The following PLA2G4A variants were observed in gnomAD, a reference collection of about 807,000 sequenced individuals.
PLA2G4A encodes the protein cytosolic phospholipase A2.
In PLA2G4A, 40 loss-of-function variants were observed where a neutral mutation model predicts 81.9. The ratio of observed to expected loss-of-function variants is 0.49; its 90% CI spans 0.38 to 0.64. The LOEUF is 0.64. Among genes scored for constraint, PLA2G4A ranks in the 30% least tolerant of loss-of-function variants. The pLI is 0.00. For missense variants in PLA2G4A, 715 were observed against 905.1 expected, an observed-to-expected ratio of 0.79 and a Z score of 2.69; for synonymous variants, 302 against 296.9, an observed-to-expected ratio of 1.02 and a Z score of -0.18.
At chr1:186,940,497 T>C (rs2102220891) in intron 10 of PLA2G4A, among the ~76,000 whole-genome samples, 1 of 152,296 alleles carries the variant, frequency 6.6e-6, no homozygotes, top group Middle Eastern at 3.4e-3. Context: ...CATGGGGGAT[T>C]GGTTCCAGGC....
intron 13 of PLA2G4A, among the ~76,000 whole-genome samples, chr1:186,953,600 A>T (rs183941564): frequency 6.6e-6 from 1 of 152,334 alleles, no homozygotes; most frequent in African/African-American, 2.4e-5. Context: ...TAGTTTCTTC[A>T]GACCTATCCT....
intron 13 of PLA2G4A, among the ~76,000 whole-genome samples, chr1:186,953,550 G>A (rs1557889964): frequency 6.6e-6 from 1 of 152,014 alleles, no homozygotes. Flanking sequence ...TTCATGTTTA[G>A]TCATATGATT....
intron 7 of PLA2G4A, among the ~76,000 whole-genome samples, chr1:186,924,962 C>T (rs1024065954): frequency 6.6e-6 from 1 of 151,936 alleles, no homozygotes; most frequent in East Asian, 2.0e-4. Context: ...GCAGGAGGAT[C>T]ACTTGAACCC....
chr1:186,917,446 A>G (rs892052296), intron 7 of PLA2G4A, among the ~76,000 whole-genome samples: 1 of 152,170 alleles, frequency 6.6e-6, no homozygotes, highest in Non-Finnish European at 1.5e-5. Context: ...AAGGGCCTGT[A>G]TCCACTTTAA....
rs147923827 is a variant in PLA2G4A, at chr1:186,895,710, T to C, written c.378+1499T>C. Among the ~76,000 whole-genome samples the C allele has an allele frequency of 2.3e-3, 354 of 152,178 alleles. 3 individuals are homozygous for C. Among genetic ancestry groups the C allele is most frequent in the Non-Finnish European group, 2.2e-3 (151 of 67,984 alleles). ...TATGGGAAGGCAGAATAAAGAACGA[T>C]TGTGTTGTGAGAGGAGGCTAGGGAT... On this transcript the variant is annotated intron_variant, in intron 5 of 17. Coordinates refer to ENST00000367466, the MANE Select transcript of PLA2G4A (RefSeq NM_024420.3).
chr1:186,923,347 G>C (rs552159922), intron 7 of PLA2G4A, among the ~76,000 whole-genome samples: 4 of 152,098 alleles, frequency 2.6e-5, no homozygotes, highest in East Asian at 1.9e-4. Flanking sequence ...AAAACTTTTC[G>C]GTAGCAATTC....
chr1:186,956,437 C>A, intron 14 of PLA2G4A, 93 bp downstream of exon 14: 1 of 1,120,452 alleles, frequency 8.9e-7, no homozygotes, highest in Admixed American at 1.7e-5. Context: ...AACACTTACT[C>A]ATTTATTATC....
At chr1:186,829,412 C>T (rs542651935) in intron 1 of PLA2G4A, among the ~76,000 whole-genome samples, 1 of 152,310 alleles carries the variant, frequency 6.6e-6, no homozygotes, top group South Asian at 2.1e-4. Flanking sequence ...GCATGCTGTG[C>T]TGTTTGACAG....
In PLA2G4A at chr1:186,988,608, T is replaced by C; in HGVS notation, c.*100T>C. 2.9e-6 allele frequency: 3 copies of C among 1,029,464 alleles called. No homozygotes were observed. Among genetic ancestry groups the C allele is most frequent in the Non-Finnish European group, 4.5e-6 (3 of 659,482 alleles). The allele number at this position is 1,029,464 out of a possible 1,614,324, so 63.8% of individuals were successfully genotyped here. A position where few individuals can be genotyped will look rare whatever the true frequency, so the allele number is the denominator to read the frequency against. On this transcript the variant is annotated 3_prime_UTR_variant, in exon 18 of 18. Coordinates refer to ENST00000367466, the MANE Select transcript of PLA2G4A (RefSeq NM_024420.3). The stretch of plus-strand genomic sequence containing the variant: ...ACAGTACAGATAGTCGTACTGATCA[T>C]GAGAGACTGGCTGATACTCAAAGTT...
chr1:186,967,598 A>G (rs772644847), intron 15 of PLA2G4A, among the ~76,000 whole-genome samples: 1 of 152,178 alleles, frequency 6.6e-6, no homozygotes, highest in African/African-American at 2.4e-5. Context: ...GAAACTTACT[A>G]TTAAATAGTC....
chr1:186,933,716 T>A (rs1655833029), intron 8 of PLA2G4A, among the ~76,000 whole-genome samples: 1 of 152,164 alleles, frequency 6.6e-6, no homozygotes, highest in South Asian at 2.1e-4. Flanking sequence ...TCTAGCATTT[T>A]AAAGTTTCTG....
chr1:186,921,186 G>T (rs970463584), intron 7 of PLA2G4A, among the ~76,000 whole-genome samples: 2 of 152,052 alleles, frequency 1.3e-5, no homozygotes, highest in Non-Finnish European at 2.9e-5. Flanking sequence ...CCCATTGGGG[G>T]TCTGTTCCTG....
chr1:186,835,326 T>C (rs1243882715), intron 1 of PLA2G4A, among the ~76,000 whole-genome samples: 2 of 152,226 alleles, frequency 1.3e-5, no homozygotes, highest in Non-Finnish European at 1.5e-5. Flanking sequence ...TCGAGGCAGA[T>C]AAATGGTGTT....
chr1:186,860,670 T>A (rs999237199), intron 2 of PLA2G4A, among the ~76,000 whole-genome samples: 8 of 152,198 alleles, frequency 5.3e-5, no homozygotes, highest in African/African-American at 1.9e-4. Context: ...TCACAGCTAA[T>A]GGTAAACTTC....
intron 6 of PLA2G4A, among the ~76,000 whole-genome samples, 200 bp from the exon 7 acceptor site, chr1:186,911,042 TTTTCTC>T (rs1654920397): frequency 6.6e-6 from 1 of 152,244 alleles, no homozygotes; most frequent in African/African-American, 2.4e-5. Context: ...GGAAAGTCCT[TTTTCTC>T]TGAAAACATG....
chr1:186,862,657 G>A (rs1336850321), intron 2 of PLA2G4A, among the ~76,000 whole-genome samples: 1 of 152,134 alleles, frequency 6.6e-6, no homozygotes, highest in Non-Finnish European at 1.5e-5. Flanking sequence ...TAGCCTTAAG[G>A]TTCACATTTG....
intron 7 of PLA2G4A, among the ~76,000 whole-genome samples, chr1:186,915,818 G>T (rs1368237110): frequency 1.3e-5 from 2 of 152,126 alleles, no homozygotes; most frequent in South Asian, 4.1e-4. Context: ...TACAGTTTCT[G>T]TCCCAGACAA....
intron 11 of PLA2G4A, 37 bp from the exon 12 acceptor site, chr1:186,946,832 A>T (rs1428377796): frequency 1.3e-6 from 2 of 1,592,500 alleles, no homozygotes; most frequent in Non-Finnish European, 1.7e-6. Flanking sequence ...GAAACCTGGG[A>T]TATTTTAAGT....
At chr1:186,979,890 A>G (rs1044373296) in intron 17 of PLA2G4A, among the ~76,000 whole-genome samples, 1 of 151,504 alleles carries the variant, frequency 6.6e-6, no homozygotes, top group African/African-American at 2.4e-5. Flanking sequence ...ATGATTTTAC[A>G]TATTTTCTTT....
Sources: gnomAD v4.1 joint callset for allele counts (sites outside exome capture counted in the v4.1 genomes callset) on GRCh38, gnomAD v4.1.1 for gene constraint, MANE v1.5 for transcripts, NCBI Gene and HGNC (gene_info 2026-07-23, HGNC 2026-07-21) for gene names.